The following MCC variants were observed in gnomAD, a reference collection of about 807,000 sequenced individuals.
MCC encodes MCC regulator of Wnt signaling pathway.
Under a neutral mutation model 116.2 loss-of-function variants are expected in MCC, and 90 were observed. The ratio of observed to expected loss-of-function variants is 0.77; its 90% CI spans 0.65 to 0.92. The LOEUF is 0.92. Among genes scored for constraint, MCC ranks in the 40% least tolerant of loss-of-function variants. The probability of loss-of-function intolerance (pLI) is 0.00; values close to 1 mark genes in which losing one functional copy is unlikely to be tolerated. For synonymous variants in MCC, 578 were observed against 510.5 expected, an observed-to-expected ratio of 1.13 and a Z score of -1.78; for missense variants, 1,516 against 1,312.2, an observed-to-expected ratio of 1.16 and a Z score of -2.40.
At chr5:113,114,289 TG>T (rs1394029926) in intron 6 of MCC, among the ~76,000 whole-genome samples, 24 of 152,234 alleles carry the variant, frequency 1.6e-4, no homozygotes, top group Admixed American at 1.6e-3. Context: ...TCACAAGGTC[TG>T]GATATGCTGC....
At chr5:113,090,217 C>T (rs186431603) in intron 8 of MCC, among the ~76,000 whole-genome samples, 31 of 151,752 alleles carry the variant, frequency 2.0e-4, no homozygotes, top group South Asian at 1.9e-3. Flanking sequence ...GAGGTGAGGA[C>T]GGGCAATAAC....
intron 3 of MCC, among the ~76,000 whole-genome samples, chr5:113,270,691 T>C (rs1303063719): frequency 2.0e-5 from 3 of 148,566 alleles, no homozygotes; most frequent in Non-Finnish European, 4.4e-5. Context: ...AAGAATAAGA[T>C]AACTTTTCCA....
intron 2 of MCC, among the ~76,000 whole-genome samples, chr5:113,379,423 T>G (rs77208134): frequency 6.6e-6 from 1 of 152,356 alleles, no homozygotes; most frequent in Non-Finnish European, 1.5e-5. Context: ...ACATGTAATA[T>G]CTCACTAAAT....
chr5:113,226,304 A>G (rs1377470448), intron 3 of MCC, among the ~76,000 whole-genome samples: 1 of 152,262 alleles, frequency 6.6e-6, no homozygotes, highest in Non-Finnish European at 1.5e-5. Flanking sequence ...GGATGGGACC[A>G]AAAACAATGA....
intron 2 of MCC, among the ~76,000 whole-genome samples, chr5:113,373,857 G>T (rs902959068): frequency 1.3e-5 from 2 of 151,972 alleles, no homozygotes; most frequent in South Asian, 2.1e-4. Flanking sequence ...TTCACTGCAG[G>T]ATTGCTTCCC....
intron 3 of MCC, among the ~76,000 whole-genome samples, chr5:113,303,192 T>C (rs1766903435): frequency 6.6e-6 from 1 of 152,218 alleles, no homozygotes; most frequent in Non-Finnish European, 1.5e-5. Context: ...CTTGGGTTCA[T>C]GAGAGACTCC....
intron 3 of MCC, among the ~76,000 whole-genome samples, chr5:113,271,561 T>C (rs565991446): frequency 3.1e-4 from 47 of 152,342 alleles, no homozygotes; most frequent in African/African-American, 1.0e-3. Flanking sequence ...GCATAGTTTT[T>C]GCACTGAAAT....
rs189220943 is a variant in MCC at position 113,064,633 on chromosome 5, G to A, written c.2030-466C>T. ...AGCTTTGGTTAGAGCCCTGTGTGGG[G>A]GCAAGAGAGACAAAACTAATGGTTC... On this transcript the variant is annotated intron_variant, in intron 13 of 18. Transcript: ENST00000408903. Among the ~76,000 whole-genome samples the A allele has an allele frequency of 6.4e-3, 974 of 152,312 alleles. 9 individuals are homozygous for A. Among genetic ancestry groups the A allele is most frequent in the Non-Finnish European group, 0.01 (692 of 68,024 alleles).
At chr5:113,138,659 C>G (rs1464223187) in intron 5 of MCC, among the ~76,000 whole-genome samples, 1 of 152,188 alleles carries the variant, frequency 6.6e-6, no homozygotes, top group Non-Finnish European at 1.5e-5. Context: ...GCAGCCCAAG[C>G]TGACTGATAT....
chr5:113,411,018 T>C (rs1441498089), intron 1 of MCC, among the ~76,000 whole-genome samples: 2 of 152,194 alleles, frequency 1.3e-5, no homozygotes, highest in Non-Finnish European at 2.9e-5. Flanking sequence ...GATGGACATA[T>C]AGGTTGGTTC....
chr5:113,415,421 G>C (rs1309829452), intron 1 of MCC, among the ~76,000 whole-genome samples: 1 of 151,980 alleles, frequency 6.6e-6, no homozygotes, highest in Non-Finnish European at 1.5e-5. Context: ...ATGTAGATTT[G>C]GTCTTTTCAC....
At chr5:113,286,155 G>A (rs1453428360) in intron 3 of MCC, among the ~76,000 whole-genome samples, 1 of 152,178 alleles carries the variant, frequency 6.6e-6, no homozygotes, top group African/African-American at 2.4e-5. Flanking sequence ...CAACTTGTAA[G>A]TATTCTGAAC....
intron 1 of MCC, among the ~76,000 whole-genome samples, chr5:113,458,422 G>A (rs912806415): frequency 4.0e-5 from 6 of 151,082 alleles, no homozygotes; most frequent in South Asian, 2.1e-4. Flanking sequence ...AAGAAACTCC[G>A]AACACATCCG....
intron 6 of MCC, among the ~76,000 whole-genome samples, chr5:113,114,305 G>C (rs555972419): frequency 5.9e-5 from 9 of 152,310 alleles, no homozygotes; most frequent in African/African-American, 1.9e-4. Flanking sequence ...TGCTGCAGTG[G>C]AGATTTAACA....
At position 113,325,428 on chromosome 5, in the gene MCC, CT is replaced by C. The variant is rs34751344; in HGVS notation, c.627+15090del. ...TTCATTACTCGGGCTTCTCGCAGCA[CT>C]TTTTTTTTTTTTTTTTTACTGACTT... On this transcript the variant is annotated intron_variant, in intron 3 of 18. Coordinates refer to ENST00000408903, the MANE Select transcript of MCC (RefSeq NM_001085377.2). 8.3e-3 allele frequency among the ~76,000 whole-genome samples: 1,139 copies of C among 137,664 alleles called. 3 individuals carry two copies. The highest frequency in any genetic ancestry group is 0.019 in the Middle Eastern group (5 of 268). 90.3% of individuals were successfully genotyped at this position (137,664 alleles called of 152,430 possible).
At chr5:113,212,805 C>G (rs531087579) in intron 3 of MCC, among the ~76,000 whole-genome samples, 1 of 152,300 alleles carries the variant, frequency 6.6e-6, no homozygotes, top group East Asian at 1.9e-4. Flanking sequence ...CTAAATTGCA[C>G]AAGATGTCAC....
Position 113,335,641 on chromosome 5 carries a change from T to C in MCC, c.627+4878A>G, listed in dbSNP as rs1767851947. Among the ~76,000 whole-genome samples, 3 of 151,724 alleles carry C rather than the reference T, an allele frequency of 2.0e-5. No homozygotes were observed. In the South Asian group the frequency reaches 6.2e-4, roughly 31 times the overall value. ...AAAACAGGCAGTACATCTTTCCCAC[T>C]GCATACCCTCTTTACCAGACTCTTA... On this transcript the variant is annotated intron_variant, in intron 3 of 18. Coordinates refer to ENST00000408903, the MANE Select transcript of MCC (RefSeq NM_001085377.2).
intron 1 of MCC, among the ~76,000 whole-genome samples, chr5:113,471,039 T>C (rs935371845): frequency 3.9e-5 from 6 of 152,224 alleles, no homozygotes; most frequent in Admixed American, 3.9e-4. Flanking sequence ...ATCAGGTCTT[T>C]TAAGGACTTC....
chr5:113,388,306 C>A (rs1769321812), intron 1 of MCC, among the ~76,000 whole-genome samples: 2 of 152,206 alleles, frequency 1.3e-5, no homozygotes, highest in Admixed American at 1.3e-4. Context: ...AAGCTAAATT[C>A]TTTCAGTATA....
Sources: gnomAD v4.1 joint callset for allele counts (sites outside exome capture counted in the v4.1 genomes callset) on GRCh38, gnomAD v4.1.1 for gene constraint, MANE v1.5 for transcripts, NCBI Gene and HGNC (gene_info 2026-07-23, HGNC 2026-07-21) for gene names.